CCDC3: variants seen among roughly 807,000 people sequenced by gnomAD.
CCDC3 encodes the protein coiled-coil domain-containing protein 3.
CCDC3 carries 24 observed loss-of-function variants against 21.4 expected under a neutral mutation model. That is an observed-to-expected ratio of 1.12 (90% CI 0.81 to 1.58). The LOEUF is 1.58. CCDC3 is among the 40% of genes most tolerant of loss of function. The pLI, the probability that CCDC3 is intolerant of heterozygous loss-of-function variation, is 0.00. For synonymous variants in CCDC3, 186 were observed against 166.0 expected (o/e 1.12, Z -0.93); for missense variants, 425 against 360.9 (o/e 1.18, Z -1.44).
intron 2 of CCDC3, among the ~76,000 whole-genome samples, chr10:12,989,378 G>C (rs886925995): frequency 6.6e-6 from 1 of 152,098 alleles, no homozygotes; most frequent in African/African-American, 2.4e-5. Flanking sequence ...AGAATCCTAG[G>C]GGGCCCCAGG....
intron 2 of CCDC3, among the ~76,000 whole-genome samples, chr10:12,960,070 C>T (rs1000836675): frequency 8.5e-5 from 13 of 152,106 alleles, no homozygotes; most frequent in Non-Finnish European, 1.3e-4. Context: ...AGAAGAATCA[C>T]TTGAACCTGG....
At chr10:13,031,413 C>A (rs867015218) in intron 5 of CCDC3, among the ~76,000 whole-genome samples, 5 of 152,038 alleles carry the variant, frequency 3.3e-5, no homozygotes, top group Admixed American at 6.6e-5. Context: ...AAAATTGACA[C>A]CCTAACATCA....
chr10:13,053,393 A>G (rs1836637881), intron 4 of CCDC3, among the ~76,000 whole-genome samples: 1 of 151,912 alleles, frequency 6.6e-6, no homozygotes, highest in East Asian at 1.9e-4. Flanking sequence ...ACATAGTGAG[A>G]CCCCATCTCC....
At chr10:13,068,981 T>C (rs1471001929) in intron 4 of CCDC3, among the ~76,000 whole-genome samples, 1 of 152,152 alleles carries the variant, frequency 6.6e-6, no homozygotes, top group African/African-American at 2.4e-5. Context: ...CTTGGCCGGG[T>C]GTGGTGGCTC....
At chr10:12,934,229 A>G (rs1398668655) in intron 2 of CCDC3, among the ~76,000 whole-genome samples, 2 of 152,178 alleles carry the variant, frequency 1.3e-5, no homozygotes, top group Non-Finnish European at 2.9e-5. Flanking sequence ...ACAGTCTCCA[A>G]GTATCTGGGA....
chr10:12,915,279 C>T (rs1834334176), intron 2 of CCDC3, among the ~76,000 whole-genome samples: 1 of 152,146 alleles, frequency 6.6e-6, no homozygotes. Flanking sequence ...TCTCTGTGTG[C>T]ACCTGAGAAG....
chr10:12,941,130 A>C (rs12354473), intron 2 of CCDC3, among the ~76,000 whole-genome samples: 18,098 of 152,280 alleles, frequency 0.12, 1,198 homozygotes, highest in African/African-American at 0.16. Flanking sequence ...CTGATAAAAC[A>C]GGTTGCAGTA....
At chr10:13,010,522 G>C (rs1305641861) in intron 5 of CCDC3, among the ~76,000 whole-genome samples, 2 of 152,178 alleles carry the variant, frequency 1.3e-5, no homozygotes, top group African/African-American at 2.4e-5. Context: ...ACTGCTGGTG[G>C]AAATGTAAAT....
At chr10:13,044,217 TGTTG>T (rs1390567447) in intron 5 of CCDC3, among the ~76,000 whole-genome samples, 1 of 152,214 alleles carries the variant, frequency 6.6e-6, no homozygotes, top group Non-Finnish European at 1.5e-5. Context: ...GTTTCTTGCT[TGTTG>T]AATTGTTTAA....
At position 12,904,637 on chromosome 10, in the gene CCDC3, C is replaced by T. The variant is rs79540956; in HGVS notation, c.550-5958G>A. ...TTTTTGGGTCACCTGTCTCCAGTGA[C>T]GGGACAAATCCGTGGAGAGCTCTTT... is the stretch of plus-strand genomic sequence containing the variant. On this transcript the variant is annotated intron_variant, in intron 2 of 2. Transcript: ENST00000378825. 6.9e-3 allele frequency among the ~76,000 whole-genome samples: 1,050 copies of T among 152,072 alleles called. 14 individuals are homozygous for T. The highest frequency in any genetic ancestry group is 0.024 in the African/African-American group (997 of 41,486).
At chr10:13,097,876 A>C (rs1188152807) in intron 3 of CCDC3, among the ~76,000 whole-genome samples, 1 of 152,226 alleles carries the variant, frequency 6.6e-6, no homozygotes, top group Non-Finnish European at 1.5e-5. Flanking sequence ...ATTTTCCTTC[A>C]CAAAACAAAT....
chr10:13,022,696 GTTTT>G (rs1836162626), intron 5 of CCDC3, among the ~76,000 whole-genome samples: 1 of 152,176 alleles, frequency 6.6e-6, no homozygotes, highest in Non-Finnish European at 1.5e-5. Flanking sequence ...ATGTGAAACT[GTTTT>G]TTAAAAACTG....
At chr10:12,959,104 C>T (rs1334864545) in intron 2 of CCDC3, among the ~76,000 whole-genome samples, 3 of 152,074 alleles carry the variant, frequency 2.0e-5, no homozygotes, top group Non-Finnish European at 2.9e-5. Context: ...ACCACTGCCC[C>T]AGTCCACTGC....
chr10:12,974,572 G>A (rs1310904581), intron 2 of CCDC3, among the ~76,000 whole-genome samples: 4 of 152,248 alleles, frequency 2.6e-5, no homozygotes, highest in Non-Finnish European at 4.4e-5. Context: ...GGCAGGGGAT[G>A]TGTGGGGTAG....
chr10:13,079,225 C>G (rs1837002650), intron 3 of CCDC3, among the ~76,000 whole-genome samples: 1 of 151,788 alleles, frequency 6.6e-6, no homozygotes, highest in Non-Finnish European at 1.5e-5. Flanking sequence ...TATGGGGATA[C>G]ATTCCCCTCC....
At chr10:12,948,873 A>T (rs1236949225) in intron 2 of CCDC3, among the ~76,000 whole-genome samples, 5 of 146,108 alleles carry the variant, frequency 3.4e-5, no homozygotes, top group Non-Finnish European at 6.0e-5. Flanking sequence ...CTGGGACTAC[A>T]GGCGCCCACC....
In CCDC3 at chr10:13,017,977, G is replaced by A. The variant is rs1450324049; in HGVS notation, c.-1-19465C>T. On this transcript the variant is annotated intron_variant, in intron 5 of 6. Transcript: ENST00000378839. Reference sequence around the variant, plus strand: ...AAGATTAAGCATGCCAGGGTCTCAGGTGGGTCCCTAAAATGCCAAGTGTCC... The same window carrying A: ...AAGATTAAGCATGCCAGGGTCTCAGATGGGTCCCTAAAATGCCAAGTGTCC... Among the ~76,000 whole-genome samples the A allele has an allele frequency of 1.3e-5, 2 of 151,980 alleles. 1 individual carries two copies. Among genetic ancestry groups the A allele is most frequent in the Non-Finnish European group, 2.9e-5 (2 of 67,948 alleles).
At chr10:12,969,523 A>G (rs1247109318) in intron 2 of CCDC3, among the ~76,000 whole-genome samples, 1 of 151,828 alleles carries the variant, frequency 6.6e-6, no homozygotes, top group Non-Finnish European at 1.5e-5. Context: ...AAGCTTACGT[A>G]CCCAGTAGTA....
chr10:13,086,706 A>G (rs909329140), intron 3 of CCDC3, among the ~76,000 whole-genome samples: 6 of 152,146 alleles, frequency 3.9e-5, no homozygotes, highest in African/African-American at 1.4e-4. Flanking sequence ...TCAGCCTCCC[A>G]AAGTGCTAGG....
Sources: allele counts gnomAD v4.1 joint callset (sites outside exome capture counted in the v4.1 genomes callset), GRCh38; gene constraint gnomAD v4.1.1; transcripts MANE v1.5; gene names NCBI Gene and HGNC (gene_info 2026-07-23, HGNC 2026-07-21).